The following COL25A1 variants were observed in gnomAD, a reference collection of about 807,000 sequenced individuals.
COL25A1 encodes collagen alpha-1(XXV) chain.
Under a neutral mutation model 128.4 loss-of-function variants are expected in COL25A1, and 103 were observed. The observed-to-expected ratio is 0.80, with a 90% CI of 0.68 to 0.94. The LOEUF is 0.94. COL25A1 is among the 40% of genes least tolerant of loss of function. The probability of loss-of-function intolerance (pLI) is 0.00; values close to 1 mark genes in which losing one functional copy is unlikely to be tolerated. For synonymous variants in COL25A1, 279 were observed against 277.2 expected (o/e 1.01, Z -0.06); for missense variants, 745 against 840.0 (o/e 0.89, Z 1.40).
At chr4:108,899,318 A>G (rs1391723645) in intron 14 of COL25A1, 138 bp from the exon 15 acceptor site, 9 of 635,136 alleles carry the variant, frequency 1.4e-5, no homozygotes, top group Non-Finnish European at 1.9e-5. Context: ...TGCAGTTGCT[A>G]TATGAAAACA....
chr4:109,271,618 T>A (rs1016938593), intron 3 of COL25A1, among the ~76,000 whole-genome samples: 1 of 152,202 alleles, frequency 6.6e-6, no homozygotes, highest in South Asian at 2.1e-4. Context: ...TTAAATGTTA[T>A]TGAGTGTCAG....
intron 8 of COL25A1, among the ~76,000 whole-genome samples, chr4:108,948,770 CT>C (rs1324768557): frequency 6.6e-6 from 1 of 152,118 alleles, no homozygotes; most frequent in Non-Finnish European, 1.5e-5. Flanking sequence ...ACAATGCAAT[CT>C]CTGTATGAAC....
At chr4:109,118,494 T>C (rs1349322344) in intron 3 of COL25A1, among the ~76,000 whole-genome samples, 1 of 151,870 alleles carries the variant, frequency 6.6e-6, no homozygotes, top group Non-Finnish European at 1.5e-5. Context: ...ACTTGTCAAT[T>C]AAAAATATAA....
intron 3 of COL25A1, among the ~76,000 whole-genome samples, chr4:109,211,526 G>A (rs559798249): frequency 4.6e-5 from 7 of 150,770 alleles, no homozygotes; most frequent in African/African-American, 1.7e-4. Context: ...AGAGGTATGG[G>A]GAGCAAGACG....
intron 31 of COL25A1, chr4:108,834,254 C>T (rs540052906): frequency 2.5e-6 from 3 of 1,186,590 alleles, no homozygotes; most frequent in African/African-American, 3.0e-5. Context: ...CTAAGTACAC[C>T]CTCATCATTT....
chr4:108,911,420 G>T (rs970723685), intron 13 of COL25A1, among the ~76,000 whole-genome samples: 7 of 68,206 alleles, frequency 1.0e-4, no homozygotes, highest in African/African-American at 2.3e-4. Flanking sequence ...ATAATACTTC[G>T]CAATACTCTA....
chr4:109,128,856 C>G (rs1177144542), intron 3 of COL25A1, among the ~76,000 whole-genome samples: 2 of 152,188 alleles, frequency 1.3e-5, no homozygotes, highest in Non-Finnish European at 2.9e-5. Context: ...TGTCTGACCA[C>G]TGACCAGTAT....
chr4:109,027,108 T>C (rs560555178), intron 5 of COL25A1, among the ~76,000 whole-genome samples: 1 of 152,212 alleles, frequency 6.6e-6, no homozygotes, highest in Non-Finnish European at 1.5e-5. Flanking sequence ...ATAATAAATA[T>C]GGTAGCTAAA....
At chr4:108,896,747 T>C (rs1311168746) in intron 15 of COL25A1, 36 bp from the exon 16 acceptor site, 5 of 1,563,540 alleles carry the variant, frequency 3.2e-6, no homozygotes, top group Middle Eastern at 1.7e-4. Flanking sequence ...GTAAAATACA[T>C]TGGTGACGTC....
chr4:108,862,982 T>TA, intron 21 of COL25A1, among the ~76,000 whole-genome samples: 1 of 152,206 alleles, frequency 6.6e-6, no homozygotes, highest in Non-Finnish European at 1.5e-5. Flanking sequence ...TTCAAGGTGT[T>TA]ACACTCCATT....
chr4:109,127,336 T>C (rs17039896), intron 3 of COL25A1, among the ~76,000 whole-genome samples: 8,502 of 152,230 alleles, frequency 0.056, 420 homozygotes, highest in African/African-American at 0.13. Flanking sequence ...AAGAGATTAA[T>C]TATCAATGTA....
chr4:109,060,049 C>T (rs1761818667), intron 3 of COL25A1, among the ~76,000 whole-genome samples: 1 of 152,154 alleles, frequency 6.6e-6, no homozygotes, highest in Non-Finnish European at 1.5e-5. Context: ...TCTTAGAACC[C>T]TTGTCTTCAT....
chr4:109,102,647 G>A (rs911192446), intron 3 of COL25A1, among the ~76,000 whole-genome samples: 1 of 152,020 alleles, frequency 6.6e-6, no homozygotes, highest in African/African-American at 2.4e-5. Context: ...TGTCAGTTCT[G>A]TTAATGTTTG....
At chr4:109,290,151 A>G (rs1287739214) in intron 3 of COL25A1, among the ~76,000 whole-genome samples, 1 of 152,132 alleles carries the variant, frequency 6.6e-6, no homozygotes, top group Admixed American at 6.6e-5. Context: ...GCTTAAAAGA[A>G]TAAAACACAT....
At chr4:109,157,324 G>T (rs1265615861) in intron 3 of COL25A1, among the ~76,000 whole-genome samples, 1 of 152,098 alleles carries the variant, frequency 6.6e-6, no homozygotes, top group African/African-American at 2.4e-5. Context: ...AAAACCCAAA[G>T]AACATATGCC....
intron 3 of COL25A1, among the ~76,000 whole-genome samples, chr4:109,169,885 AAG>A (rs1168569628): frequency 6.6e-6 from 1 of 152,180 alleles, no homozygotes; most frequent in Non-Finnish European, 1.5e-5. Flanking sequence ...AATTAGCCAC[AAG>A]AGTTACACAA....
Position 109,191,152 on chromosome 4 carries a change from C to G in COL25A1, c.367+109431G>C, listed in dbSNP as rs147865411. Among the ~76,000 whole-genome samples the G allele has an allele frequency of 2.0e-5, 3 of 152,266 alleles. No homozygotes were observed. In the South Asian group the frequency reaches 6.2e-4, roughly 32 times the overall value. On this transcript the variant is annotated intron_variant, in intron 3 of 37. Transcript: ENST00000399132. ...AGAAAGCAGGATTTTAAATAAGCCA[C>G]AAACCATGCTTCTTGGTTTTGTTTA... is the stretch of plus-strand genomic sequence containing the variant.
intron 13 of COL25A1, among the ~76,000 whole-genome samples, chr4:108,904,325 C>T (rs746083293): frequency 1.3e-5 from 2 of 152,048 alleles, no homozygotes; most frequent in Non-Finnish European, 2.9e-5. Context: ...TACATATACA[C>T]ATATACATAT....
intron 3 of COL25A1, among the ~76,000 whole-genome samples, chr4:109,221,967 C>T (rs1778446578): frequency 6.7e-6 from 1 of 149,148 alleles, no homozygotes; most frequent in Admixed American, 6.7e-5. Flanking sequence ...CAAGTTTCAG[C>T]AAAATAGGCA....
Sources: gnomAD v4.1 joint callset for allele counts (sites outside exome capture counted in the v4.1 genomes callset) on GRCh38, gnomAD v4.1.1 for gene constraint, MANE v1.5 for transcripts, NCBI Gene and HGNC (gene_info 2026-07-23, HGNC 2026-07-21) for gene names.